Variants in RAD51B observed in about 807,000 individuals in gnomAD.
The protein encoded by RAD51B is RAD51 paralog B, also known as DNA repair protein RAD51 homolog 2.
In RAD51B, 38 loss-of-function variants were observed where a neutral mutation model predicts 42.2. That is an observed-to-expected ratio of 0.90 (90% confidence interval 0.70 to 1.18). The LOEUF (loss-of-function observed/expected upper bound fraction) is 1.18. Among genes scored for constraint, RAD51B ranks in the 50% most tolerant of loss-of-function variants. RAD51B has a pLI of 0.00. For synonymous variants in RAD51B, 154 were observed against 145.2 expected, an observed-to-expected ratio of 1.06 and a Z score of -0.43; for missense variants, 373 against 400.7, an observed-to-expected ratio of 0.93 and a Z score of 0.59.
Position 68,506,864 on chromosome 14 carries a change from G to C in RAD51B, c.1036+38614G>C, listed in dbSNP as rs1048249961. ...CGCCCACACTCAAGTGTGCAGAGGG[G>C]GAAGCTGAAAGAAAGTTTCGAGATT... is the stretch of plus-strand genomic sequence containing the variant. On this transcript the variant is annotated intron_variant, in intron 10 of 10. Transcript: ENST00000487270. Among the ~76,000 whole-genome samples, 6 of 152,060 alleles carry C rather than the reference G, an allele frequency of 3.9e-5. 1 individual carries two copies. The highest frequency in any genetic ancestry group is 3.9e-4 in the Admixed American group (6 of 15,268).
intron 8 of RAD51B, among the ~76,000 whole-genome samples, chr14:68,377,559 C>CT (rs1414506459): frequency 6.6e-6 from 1 of 152,208 alleles, no homozygotes; most frequent in Non-Finnish European, 1.5e-5. Context: ...GCTGCAATGA[C>CT]GTCTGCATCA....
rs139965018 is a variant in RAD51B at position 68,207,308 on chromosome 14, A to G, written c.757-84576A>G. 1.1e-4 allele frequency among the ~76,000 whole-genome samples: 16 copies of G among 152,330 alleles called. No individual in the cohort carries two copies. The East Asian group carries it at 2.9e-3, about 28-fold the overall frequency. ...TTAGAAATCATGAATTGATTCATTG[A>G]TATCTCCAATTTTAATTCATTCCCA... On this transcript the variant is annotated intron_variant, in intron 7 of 10. Coordinates refer to ENST00000471583, the MANE Select transcript of RAD51B (RefSeq NM_133510.4).
At chr14:68,284,240 C>T (rs2081374288) in intron 7 of RAD51B, among the ~76,000 whole-genome samples, 1 of 152,230 alleles carries the variant, frequency 6.6e-6, no homozygotes, top group Admixed American at 6.5e-5. Context: ...TCAAGTTGCT[C>T]CTTCATCCCC....
intron 10 of RAD51B, among the ~76,000 whole-genome samples, chr14:68,539,638 C>T (rs1306613743): frequency 6.6e-6 from 1 of 152,174 alleles, no homozygotes; most frequent in Non-Finnish European, 1.5e-5. Flanking sequence ...AGGGCAAGGC[C>T]CCAGCATTTC....
At chr14:68,479,138 G>A (rs1882960610), downstream of RAD51B, among the ~76,000 whole-genome samples, 1 of 152,146 alleles carries the variant, frequency 6.6e-6, no homozygotes, top group Admixed American at 6.5e-5. Context: ...GTGACCATGT[G>A]TCTCCCTCTG....
At chr14:68,292,414 T>C (rs936936561) in intron 8 of RAD51B, among the ~76,000 whole-genome samples, 3 of 152,124 alleles carry the variant, frequency 2.0e-5, no homozygotes, top group African/African-American at 7.2e-5. Context: ...TTACAGAAGA[T>C]TAAGAAAAAA....
At chr14:68,278,048 C>CG (rs2139612913) in intron 7 of RAD51B, among the ~76,000 whole-genome samples, 1 of 152,262 alleles carries the variant, frequency 6.6e-6, no homozygotes, top group African/African-American at 2.4e-5. Context: ...CAGCCAGAGG[C>CG]GTGCTGTGTT....
chr14:67,846,011 G>T (rs2041599524), intron 4 of RAD51B, among the ~76,000 whole-genome samples: 2 of 152,138 alleles, frequency 1.3e-5, no homozygotes, highest in Non-Finnish European at 2.9e-5. Flanking sequence ...TTCTGTGCTG[G>T]AGGAGCCCAG....
At chr14:68,396,754 C>T (rs2083935036) in intron 8 of RAD51B, among the ~76,000 whole-genome samples, 1 of 151,888 alleles carries the variant, frequency 6.6e-6, no homozygotes, top group Non-Finnish European at 1.5e-5. Context: ...TAGAAAGGCC[C>T]AAATGACTCT....
At chr14:67,906,913 G>A (rs1287255753) in intron 7 of RAD51B, among the ~76,000 whole-genome samples, 9 of 151,850 alleles carry the variant, frequency 5.9e-5, no homozygotes, top group South Asian at 2.1e-4. Context: ...GGGTTCAAGC[G>A]ATTCTCCTGC....
At chr14:68,484,708 G>A (rs545920857) in intron 10 of RAD51B, among the ~76,000 whole-genome samples, 17 of 152,182 alleles carry the variant, frequency 1.1e-4, no homozygotes, top group African/African-American at 3.6e-4. Context: ...TCCGGTAAAA[G>A]GGGACACATA....
At chr14:68,387,045 A>G (rs1011730706) in intron 8 of RAD51B, 5 of 152,230 alleles carry the variant, frequency 3.3e-5, no homozygotes, top group Non-Finnish European at 7.3e-5. Flanking sequence ...GGGTTTTTGT[A>G]TCAGGGATGG....
chr14:68,347,682 TAATA>T (rs1025703133), intron 8 of RAD51B, among the ~76,000 whole-genome samples: 2 of 152,066 alleles, frequency 1.3e-5, no homozygotes, highest in African/African-American at 2.4e-5. Flanking sequence ...AAAATAATAA[TAATA>T]AATAAAGAAA....
intron 8 of RAD51B, among the ~76,000 whole-genome samples, chr14:68,384,611 C>T (rs1367878700): frequency 6.6e-6 from 1 of 152,194 alleles, no homozygotes; most frequent in East Asian, 1.9e-4. Flanking sequence ...GTGAAGGAAA[C>T]TGTTGCACAA....
chr14:68,288,592 A>C (rs1031860123), intron 7 of RAD51B, among the ~76,000 whole-genome samples: 2 of 152,240 alleles, frequency 1.3e-5, no homozygotes, highest in African/African-American at 2.4e-5. Flanking sequence ...CCGTCATCTC[A>C]GTACAGGTTT....
At chr14:68,474,884 T>G (rs1882427448) in intron 10 of RAD51B, among the ~76,000 whole-genome samples, 1 of 152,238 alleles carries the variant, frequency 6.6e-6, no homozygotes, top group African/African-American at 2.4e-5. Flanking sequence ...ATGATAGAGA[T>G]GTACTGCTTC....
At chr14:68,159,590 A>G (rs1321723251) in intron 7 of RAD51B, among the ~76,000 whole-genome samples, 5 of 151,686 alleles carry the variant, frequency 3.3e-5, no homozygotes, top group Non-Finnish European at 4.4e-5. Context: ...ACTGTGCTCC[A>G]GCCTGGGTGA....
intron 11 of RAD51B, among the ~76,000 whole-genome samples, chr14:68,666,919 T>C (rs1000328689): frequency 1.3e-5 from 2 of 152,180 alleles, no homozygotes; most frequent in Non-Finnish European, 2.9e-5. Context: ...TGGACAGAAG[T>C]GATGTCTGCC....
intron 10 of RAD51B, chr14:68,470,599 T>C (rs920955505): frequency 4.7e-5 from 24 of 508,026 alleles, no homozygotes; most frequent in African/African-American, 3.1e-4. Context: ...TGAAGTGAAA[T>C]TGATGAATCA....
Sources: gnomAD v4.1 joint callset for allele counts (sites outside exome capture counted in the v4.1 genomes callset) on GRCh38, gnomAD v4.1.1 for gene constraint, MANE v1.5 for transcripts, NCBI Gene and HGNC (gene_info 2026-07-23, HGNC 2026-07-21) for gene names.